The following MYO1C variants were observed in gnomAD, a reference collection of about 807,000 sequenced individuals.
MYO1C encodes myosin IC.
MYO1C carries 104 observed loss-of-function variants against 150.8 expected under a neutral mutation model. The ratio of observed to expected loss-of-function variants is 0.69; its 90% CI spans 0.59 to 0.81. The LOEUF is 0.81. Among genes scored for constraint, MYO1C ranks in the 30% least tolerant of loss-of-function variants. The pLI, the probability that MYO1C is intolerant of heterozygous loss-of-function variation, is 0.00. For synonymous variants in MYO1C, 663 were observed against 579.9 expected (o/e 1.14, Z -2.06); for missense variants, 1,504 against 1,435.0 (o/e 1.05, Z -0.78).
rs981588392 is a variant in MYO1C at position 1,464,812 on chromosome 17, G to C, written c.*914C>G. 1.0e-5 allele frequency: 1 copy of C among 96,784 alleles called. No individual in the cohort carries two copies. Among genetic ancestry groups the C allele is most frequent in the African/African-American group, 3.9e-5 (1 of 25,418 alleles). The allele number at this position is 96,784 out of a possible 1,614,324, so 6.0% of individuals were successfully genotyped here. A position where few individuals can be genotyped will look rare whatever the true frequency, so the allele number is the denominator to read the frequency against. The stretch of plus-strand genomic sequence containing the variant: ...GGGATGATGAGGACAGTAAAAGGGC[G>C]TTCTTTTTTTTTTTTTTTAAGACGG... On this transcript the variant is annotated 3_prime_UTR_variant, in exon 32 of 32. Coordinates refer to ENST00000648651, the MANE Select transcript of MYO1C (RefSeq NM_001080779.2).
chr17:1,485,625 G>T, intron 1 of MYO1C: 1 of 1,122,574 alleles, frequency 8.9e-7, no homozygotes. Context: ...TGGCGAGGCC[G>T]AGGCGACGCC....
At chr17:1,488,033 C>T (rs1252253308) in intron 1 of MYO1C, among the ~76,000 whole-genome samples, 1 of 152,196 alleles carries the variant, frequency 6.6e-6, no homozygotes. Flanking sequence ...AAGAGAGCCC[C>T]TCCCGGAAGC....
Position 1,479,608 on chromosome 17 carries a change from A to G in MYO1C, c.1004T>C (p.Leu335Pro), listed in dbSNP as rs1179879087. The G allele has an allele frequency of 1.2e-6, 2 of 1,609,338 alleles. No individual in the cohort carries two copies. Among genetic ancestry groups the G allele is most frequent in the Admixed American group, 1.7e-5 (1 of 59,644 alleles). ...SNAQVTTENQ[L>P]KYLTRLLSVE... ...CCCACTCACCCTGGTCAGATACTTG[A>G]GCTGGTTCTCGGTGGTGACCTGGGC... Residue 335 changes from leucine to proline, a missense_variant, in exon 8 of 32, where the codon CTC (leucine) becomes CCC (proline). Leu to Pro is a moderately conservative substitution (Grantham distance 98, BLOSUM62 -3). Transcript: ENST00000648651. This position sits in a 1 kb window ranked among gnomAD's most constrained non-coding sequence, Gnocchi z 4.2.
chr17:1,480,627 T>G lies in MYO1C; in HGVS notation c.808-2A>C, dbSNP rs2074501006. ...GGAGGAGACTTTGGCACACTGGCCC[T>G]GGAGGAAGGGCACAGCTGGGTTGCC... On this transcript the variant is annotated splice_acceptor_variant, in intron 6 of 31. Coordinates refer to ENST00000648651, the MANE Select transcript of MYO1C (RefSeq NM_001080779.2). LOFTEE classifies it high-confidence loss of function. 1 of 1,614,124 alleles carries G rather than the reference T, an allele frequency of 6.2e-7. No individual in the cohort carries two copies. Among genetic ancestry groups the G allele is most frequent in the African/African-American group, 1.3e-5 (1 of 75,020 alleles).
At position 1,470,458 on chromosome 17, in the gene MYO1C, C is replaced by A. The variant is rs1240750732; in HGVS notation, c.2343G>T (p.Lys781Asn). The change falls in exon 23 of 32, where the codon AAG becomes AAT. Residue 781 changes from lysine (K) to asparagine (N), a missense_variant. Physicochemically the swap from Lys to Asn is moderately conservative, Grantham distance 94. Coordinates refer to ENST00000648651, the MANE Select transcript of MYO1C (RefSeq NM_001080779.2). The part of the protein sequence containing the change: ...TLGRRKAAKR[K>N]WAAQTIRRLI... ...ACCGCCGGATGGTCTGTGCCGCCCA[C>A]TTCCTCTTGGCTGCCTTCCTCCGGC... 1.3e-6 allele frequency: 2 copies of A among 1,550,900 alleles called. No homozygotes were observed. The highest frequency in any genetic ancestry group is 1.4e-5 in the African/African-American group (1 of 73,200).
At chr17:1,468,230 C>G in intron 27 of MYO1C, 23 bp downstream of exon 27, 1 of 1,612,864 alleles carries the variant, frequency 6.2e-7, no homozygotes. Flanking sequence ...CTGCTGGACT[C>G]AGGGCTGCAG....
intron 1 of MYO1C, chr17:1,485,625 G>C: frequency 1.8e-6 from 2 of 1,122,578 alleles, no homozygotes; most frequent in Non-Finnish European, 2.2e-6. Context: ...TGGCGAGGCC[G>C]AGGCGACGCC....
chr17:1,474,824 C>T lies in MYO1C; in HGVS notation c.1704G>A (p.Arg568=). The T allele has an allele frequency of 1.2e-6, 2 of 1,608,824 alleles. No individual in the cohort carries two copies. Among genetic ancestry groups the T allele is most frequent in the Admixed American group, 1.7e-5 (1 of 59,924 alleles). Residue 568 remains arginine (R), a synonymous_variant, in exon 16 of 32, where the codon CGG becomes CGA. Coordinates refer to ENST00000648651, the MANE Select transcript of MYO1C (RefSeq NM_001080779.2). ...FLDKNNDLLF[R]NLKETMCSSK... ...ACGTCCTCCTCACCTCCTTAAGGTT[C>T]CGGAAGAGAAGGTCATTGTTTTTGT...
intron 31 of MYO1C, among the ~76,000 whole-genome samples, chr17:1,466,456 A>G (rs8077240): frequency 0.77 from 116,496 of 151,700 alleles, 45,260 homozygotes; most frequent in African/African-American, 0.89. Context: ...TCAGCCTCCC[A>G]AGTAGCTGGG....
chr17:1,483,235 G>C (rs2074574201), intron 3 of MYO1C, among the ~76,000 whole-genome samples, 176 bp from the exon 4 acceptor site: 1 of 152,100 alleles, frequency 6.6e-6, no homozygotes, highest in South Asian at 2.1e-4. Context: ...GCTGAGAATG[G>C]GCGTCACCGC....
chr17:1,468,152 TG>T, intron 27 of MYO1C, 29 bp from the exon 28 acceptor site: 1 of 1,612,636 alleles, frequency 6.2e-7, no homozygotes, highest in Non-Finnish European at 8.5e-7. Flanking sequence ...CTGAAGGGGC[TG>T]GGGAGAGGCT....
At chr17:1,472,294 G>C in intron 17 of MYO1C, 66 bp from the exon 18 acceptor site, 1 of 1,393,580 alleles carries the variant, frequency 7.2e-7, no homozygotes, top group South Asian at 1.2e-5. Flanking sequence ...CCAGCAGCGA[G>C]TACCCCACTC....
chr17:1,474,621 GCTT>G lies in MYO1C; in HGVS notation c.1783_1785del (p.Lys595del). 1 of 1,613,828 alleles carries G rather than the reference GCTT, an allele frequency of 6.2e-7. No individual in the cohort carries two copies. Among genetic ancestry groups the G allele is most frequent in the Non-Finnish European group, 8.5e-7 (1 of 1,179,912 alleles). On this transcript the variant is annotated inframe_deletion, in exon 17 of 32. Coordinates refer to ENST00000648651, the MANE Select transcript of MYO1C (RefSeq NM_001080779.2). ...CGCCACCTCCTCACCGTCTCTGGCC[GCTT>G]CTTGTCACTGAGCTCGCTCCGGTCA...
intron 5 of MYO1C, chr17:1,481,173 A>G (rs977845936): frequency 1.7e-5 from 8 of 458,276 alleles, no homozygotes; most frequent in African/African-American, 1.6e-4. Flanking sequence ...TCCCTCTTCA[A>G]ACAAGCTCCT....
At position 1,474,644 on chromosome 17, in the gene MYO1C, C is replaced by T. The variant is rs45542341; in HGVS notation, c.1763G>A (p.Arg588Gln). 1.1e-4 allele frequency: 172 copies of T among 1,614,002 alleles called. 1 individual carries two copies. The African/African-American group carries it at 1.7e-3, about 16-fold the overall frequency. The change falls in exon 17 of 32, where the codon CGG (arginine) becomes CAG (glutamine). Residue 588 changes from arginine (R) to glutamine (Q), a missense_variant. By Grantham distance (43) the Arg-to-Gln change is conservative. Transcript: ENST00000648651. ...CCGCTTCTTGTCACTGAGCTCGCTC[C>T]GGTCAAAGCACTGGCTCATAATGGG... ...KNPIMSQCFD[R>Q]SELSDKKRPE... is the part of the protein sequence containing the mutation.
chr17:1,474,559 A>T (rs970068929), intron 17 of MYO1C, 51 bp downstream of exon 17: 1 of 1,579,732 alleles, frequency 6.3e-7, no homozygotes, highest in Non-Finnish European at 8.7e-7. Context: ...ACAGGCCCTC[A>T]TGCACACTCA....
chr17:1,469,651 C>T (rs1201855386), intron 24 of MYO1C, 37 bp from the exon 25 acceptor site: 5 of 1,517,094 alleles, frequency 3.3e-6, no homozygotes, highest in Non-Finnish European at 4.5e-6. Context: ...CCTGGACACC[C>T]TGGGCCCTTC....
At chr17:1,481,049 C>CA (rs2074509971) in intron 5 of MYO1C, 164 bp from the exon 6 acceptor site, 5 of 661,214 alleles carry the variant, frequency 7.6e-6, no homozygotes, top group South Asian at 7.5e-5. Flanking sequence ...ACGCTGGACT[C>CA]AGTTACTTCA....
chr17:1,482,068 A>G (rs562404535), intron 5 of MYO1C, among the ~76,000 whole-genome samples: 7 of 152,058 alleles, frequency 4.6e-5, no homozygotes, highest in African/African-American at 1.7e-4. Flanking sequence ...TTTTTTAGAG[A>G]CAGGGTCTCA....
Sources: allele counts gnomAD v4.1 joint callset (sites outside exome capture counted in the v4.1 genomes callset), GRCh38; gene constraint gnomAD v4.1.1; non-coding constraint Gnocchi (gnomAD v3.1); transcripts MANE v1.5; gene names NCBI Gene and HGNC (gene_info 2026-07-23, HGNC 2026-07-21).